The following PROM2 variants were observed in gnomAD, a reference collection of about 807,000 sequenced individuals.
The protein encoded by PROM2 is prominin 2, also known as prominin-2.
A neutral mutation model predicts 110.2 loss-of-function variants in PROM2; 90 were observed. The ratio of observed to expected loss-of-function variants is 0.82; its 90% CI spans 0.69 to 0.97. PROM2 has a LOEUF of 0.97. PROM2 is among the 50% of genes least tolerant of loss of function. PROM2 has a pLI of 0.00. For missense variants in PROM2, 1,009 were observed against 1,074.8 expected, an observed-to-expected ratio of 0.94 and a Z score of 0.86; for synonymous variants, 470 against 467.8, an observed-to-expected ratio of 1.00 and a Z score of -0.06.
chr2:95,282,501 G>C (rs911268258), intron 14 of PROM2, among the ~76,000 whole-genome samples: 1 of 152,212 alleles, frequency 6.6e-6, no homozygotes, highest in African/African-American at 2.4e-5. Flanking sequence ...GAGGATGAGG[G>C]GGCCCATGTG....
chr2:95,277,179 C>T, intron 6 of PROM2, 118 bp downstream of exon 6: 1 of 1,140,274 alleles, frequency 8.8e-7, no homozygotes. Flanking sequence ...GTGACTTCCC[C>T]ATCGCTGTAC....
At chr2:95,286,325 C>T (rs1324985149) in intron 16 of PROM2, among the ~76,000 whole-genome samples, 154 bp from the exon 17 acceptor site, 2 of 152,132 alleles carry the variant, frequency 1.3e-5, no homozygotes, top group African/African-American at 4.8e-5. Flanking sequence ...TCTAGGCCCC[C>T]CAAACCAAGA....
chr2:95,287,292 A>G, intron 19 of PROM2, 79 bp downstream of exon 19: 1 of 1,573,476 alleles, frequency 6.4e-7, no homozygotes, highest in Non-Finnish European at 8.7e-7. Context: ...GCTCCCAGGA[A>G]AGCTGGGCCT....
At chr2:95,281,416 G>A (rs1010059407) in intron 12 of PROM2, 51 bp downstream of exon 12, 1 of 1,042,556 alleles carries the variant, frequency 9.6e-7, no homozygotes, top group Non-Finnish European at 1.3e-6. Context: ...GTGGGGGGCG[G>A]TATCAGCAGA....
rs1285674338 is a variant in PROM2, at chr2:95,282,231, G to T, written c.1728+5G>T. The T allele has an allele frequency of 6.2e-7, 1 of 1,611,462 alleles. No homozygotes were observed. The highest frequency in any genetic ancestry group is 2.2e-5 in the East Asian group (1 of 44,778). ...GAGCACCTGGATATCAACCAGGTGA[G>T]AGAACGTTTTGGAAACTGTGAGGAG... On this transcript the variant is annotated splice_donor_5th_base_variant and intron_variant, in intron 14 of 23. Coordinates refer to ENST00000317620, the MANE Select transcript of PROM2 (RefSeq NM_001165978.3).
In PROM2 at chr2:95,289,014, T is replaced by C; in HGVS notation, c.*10+8T>C. ...AGCTGTAGGGCCTTGTGGGTGAGTT[T>C]TCCCCAACTCGCTTAATTGCTCCCT... On this transcript the variant is annotated splice_region_variant and intron_variant, in intron 23 of 23. Coordinates refer to ENST00000317620, the MANE Select transcript of PROM2 (RefSeq NM_001165978.3). 6 of 1,610,834 alleles carry C rather than the reference T, an allele frequency of 3.7e-6. No individual in the cohort carries two copies. Among genetic ancestry groups the C allele is most frequent in the Non-Finnish European group, 3.4e-6 (4 of 1,177,012 alleles).
rs1421000623 is a variant in PROM2, at chr2:95,290,764, G to T, written c.*1551G>T. ...CATCCGGGCATGTACGAGGGAAGAG[G>T]GAGGCAGGCCTCTATTCAAAGGCAG... On this transcript the variant is annotated 3_prime_UTR_variant, in exon 24 of 24. Transcript: ENST00000317620. The T allele has an allele frequency of 3.3e-5, 5 of 152,184 alleles. No homozygotes were observed. The East Asian group carries it at 9.6e-4, about 29-fold the overall frequency. 9.4% of individuals were successfully genotyped at this position (152,184 alleles called of 1,614,324 possible). A position where few individuals can be genotyped will look rare whatever the true frequency, so the allele number is the denominator to read the frequency against.
intron 14 of PROM2, 120 bp downstream of exon 14, chr2:95,282,346 G>A (rs760827919): frequency 4.7e-6 from 4 of 856,298 alleles, no homozygotes; most frequent in Admixed American, 4.3e-5. Context: ...CTGTGTGAGC[G>A]ATTAAGGTGC....
At position 95,276,111 on chromosome 2, in the gene PROM2, T is replaced by C. The variant is rs751508559; in HGVS notation, c.476T>C (p.Leu159Pro). Reference protein sequence around the residue: ...CERAALMVFLLLTTLLLLIGV... With the variant: ...CERAALMVFLPLTTLLLLIGV... The stretch of plus-strand genomic sequence containing the variant: ...CGCGCGGCCCTCATGGTCTTCCTGC[T>C]GCTGACCACCCTCTTGCTGCTGTAA... Residue 159 changes from leucine (L) to proline (P), a missense_variant, in exon 3 of 24, where the codon CTG becomes CCG. By Grantham distance (98) the Leu-to-Pro change is moderately conservative. Coordinates refer to ENST00000317620, the MANE Select transcript of PROM2 (RefSeq NM_001165978.3). The surrounding 1 kb of genome is among the most constrained non-coding windows in gnomAD (Gnocchi z 4.6). The C allele has an allele frequency of 3.1e-6, 5 of 1,611,750 alleles. No homozygotes were observed. The highest frequency in any genetic ancestry group is 1.7e-5 in the Admixed American group (1 of 59,976).
Position 95,276,442 on chromosome 2 carries a change from G to T in PROM2, c.618+95G>T. ...GGGCCCTCGATGGCCCATAACCAGCGCATCTGAAAGCCGCCTCCTCTCCCG... is the reference window on the plus strand; with the variant it reads ...GGGCCCTCGATGGCCCATAACCAGCTCATCTGAAAGCCGCCTCCTCTCCCG... On this transcript the variant is annotated intron_variant, in intron 4 of 23. Coordinates refer to ENST00000317620, the MANE Select transcript of PROM2 (RefSeq NM_001165978.3). The surrounding 1 kb of genome is among the most constrained non-coding windows in gnomAD (Gnocchi z 4.6). The T allele has an allele frequency of 1.3e-6, 2 of 1,591,498 alleles. No individual in the cohort carries two copies. Among genetic ancestry groups the T allele is most frequent in the African/African-American group, 1.3e-5 (1 of 74,564 alleles).
Position 95,275,346 on chromosome 2 carries a change from T to G in PROM2, c.245-115T>G. 2 of 938,868 alleles carry G rather than the reference T, an allele frequency of 2.1e-6. No individual in the cohort carries two copies. The highest frequency in any genetic ancestry group is 3.3e-6 in the Non-Finnish European group (2 of 610,164). 58.2% of individuals were successfully genotyped at this position (938,868 alleles called of 1,614,324 possible). On this transcript the variant is annotated intron_variant, in intron 1 of 23. Transcript: ENST00000317620. The surrounding 1 kb of genome is among the most constrained non-coding windows in gnomAD (Gnocchi z 4.4). Reference sequence around the variant, plus strand: ...GATGCAGCCTTCTGCGAGGGTGCCATGGTGGTGGCAGGAGCCCTGCCTCAG... The same window carrying G: ...GATGCAGCCTTCTGCGAGGGTGCCAGGGTGGTGGCAGGAGCCCTGCCTCAG...
chr2:95,288,230 C>T lies in PROM2; in HGVS notation c.2264C>T (p.Thr755Ile). The T allele has an allele frequency of 1.2e-6, 2 of 1,613,932 alleles. No individual in the cohort carries two copies. Among genetic ancestry groups the T allele is most frequent in the Non-Finnish European group, 1.7e-6 (2 of 1,180,042 alleles). Residue 755 changes from threonine to isoleucine, a missense_variant, in exon 21 of 24, where the codon ACC becomes ATC. By Grantham distance (89) the Thr-to-Ile change is moderately conservative (BLOSUM62 -1). Transcript: ENST00000317620. The part of the protein sequence containing the change: ...VREEVTQRIA[T>I]CQPLSGALDN... ...CCACAGGTGACTCAGCGCATTGCCA[C>T]CTGCCAGCCCCTCTCCGGAGCCCTG...
chr2:95,276,668 CG>C lies in PROM2; in HGVS notation c.682+15del. The C allele has an allele frequency of 6.2e-7, 1 of 1,612,454 alleles. No homozygotes were observed. The highest frequency in any genetic ancestry group is 8.5e-7 in the Non-Finnish European group (1 of 1,179,946). ...CAGAGGAGCTGGATGGTGAGGGTCTCGGGGACTGGCAGGTGGGCTGGCTCCT... is the reference window on the plus strand; with the variant it reads ...CAGAGGAGCTGGATGGTGAGGGTCTCGGGACTGGCAGGTGGGCTGGCTCCT... On this transcript the variant is annotated intron_variant, in intron 5 of 23. Transcript: ENST00000317620. The surrounding 1 kb of genome is among the most constrained non-coding windows in gnomAD (Gnocchi z 4.6).
chr2:95,286,727 T>G, intron 17 of PROM2, 77 bp from the exon 18 acceptor site: 2 of 511,884 alleles, frequency 3.9e-6, no homozygotes, highest in Non-Finnish European at 6.4e-6. Context: ...TCCCCTCCAC[T>G]CCCCTCCACT....
Position 95,276,880 on chromosome 2 carries a change from G to C in PROM2, c.683-92G>C. On this transcript the variant is annotated intron_variant, in intron 5 of 23. Transcript: ENST00000317620. The surrounding 1 kb of genome is among the most constrained non-coding windows in gnomAD (Gnocchi z 4.6). The stretch of plus-strand genomic sequence containing the variant: ...TCCCCTCCACCCCCCGGCTCCTGCA[G>C]AGCCCGGTGGGGCCTGGGGAGGCAG... 7.2e-7 allele frequency: 1 copy of C among 1,387,272 alleles called. No homozygotes were observed. Among genetic ancestry groups the C allele is most frequent in the Non-Finnish European group, 1.0e-6 (1 of 1,002,742 alleles). 85.9% of individuals were successfully genotyped at this position (1,387,272 alleles called of 1,614,324 possible).
intron 14 of PROM2, among the ~76,000 whole-genome samples, chr2:95,283,136 G>T (rs1253828483): frequency 6.6e-6 from 1 of 152,240 alleles, no homozygotes; most frequent in Non-Finnish European, 1.5e-5. Flanking sequence ...CCCCGAGCAG[G>T]CGATATCTCA....
chr2:95,288,195 C>T lies in PROM2; in HGVS notation c.2245-16C>T. 6.2e-7 allele frequency: 1 copy of T among 1,612,532 alleles called. No homozygotes were observed. The highest frequency in any genetic ancestry group is 8.5e-7 in the Non-Finnish European group (1 of 1,179,836). ...CCAGGTGTCTCTGCATCACCTGCCT[C>T]ATGTTGGCGCCACAGGTGACTCAGC... On this transcript the variant is annotated splice_polypyrimidine_tract_variant and intron_variant, in intron 20 of 23. Transcript: ENST00000317620.
chr2:95,287,337 G>C (rs1453781669), intron 19 of PROM2, 59 bp from the exon 20 acceptor site: 2 of 1,595,256 alleles, frequency 1.3e-6, no homozygotes, highest in East Asian at 4.5e-5. Flanking sequence ...GGTGGCGTGG[G>C]TGGGGGGCAC....
chr2:95,277,428 G>A lies in PROM2; in HGVS notation c.837G>A (p.Gly279=), dbSNP rs1676739090. ...CTACAGTGGTAGAGCTGCAGGCCGG[G>A]CAGCAGGACCTGGAGCCAGCCATCC... The part of the protein sequence containing the change: ...LNATVVELQA[G]QQDLEPAIRE... The change falls in exon 7 of 24, where the codon GGG becomes GGA. Residue 279 remains glycine (G), a synonymous_variant. Transcript: ENST00000317620. 2 of 1,613,214 alleles carry A rather than the reference G, an allele frequency of 1.2e-6. No homozygotes were observed. Among genetic ancestry groups the A allele is most frequent in the South Asian group, 1.1e-5 (1 of 91,062 alleles).
Sources: allele counts gnomAD v4.1 joint callset (sites outside exome capture counted in the v4.1 genomes callset), GRCh38; gene constraint gnomAD v4.1.1; non-coding constraint Gnocchi (gnomAD v3.1); transcripts MANE v1.5; gene names NCBI Gene and HGNC (gene_info 2026-07-23, HGNC 2026-07-21).